The following FAAH2 variants were observed in gnomAD, a reference collection of about 807,000 sequenced individuals.
FAAH2 encodes fatty-acid amide hydrolase 2.
In FAAH2, 60 loss-of-function variants were observed where a neutral mutation model predicts 36.9. That is an observed-to-expected ratio of 1.63 (90% CI 1.32 to 2.02). FAAH2 has a LOEUF of 2.02. Among genes scored for constraint, FAAH2 ranks in the 30% most tolerant of loss-of-function variants. The probability of loss-of-function intolerance (pLI) is 0.00; values close to 1 mark genes in which losing one functional copy is unlikely to be tolerated. For missense variants in FAAH2, 689 were observed against 397.5 expected (o/e 1.73, Z -6.23); for synonymous variants, 214 against 143.8 (o/e 1.49, Z -3.49).
Position 57,404,503 on chromosome X carries a change from A to T in FAAH2, c.996+23474A>T, listed in dbSNP as rs774651102. On this transcript the variant is annotated intron_variant, in intron 7 of 10. Transcript: ENST00000374900. Reference sequence around the variant, plus strand: ...TTAAAGTACTGGGTTATCATTTCTAAGGCCCTGACAAGGGTGGTAGGGAAT... The same window carrying T: ...TTAAAGTACTGGGTTATCATTTCTATGGCCCTGACAAGGGTGGTAGGGAAT... 4.5e-5 allele frequency among the ~76,000 whole-genome samples: 5 copies of T among 111,706 alleles called. No individual in the cohort carries two copies. In the East Asian group the frequency reaches 1.4e-3, roughly 32 times the overall value.
intron 1 of FAAH2, among the ~76,000 whole-genome samples, chrX:57,289,844 G>A (rs2499554): frequency 0.071 from 7,761 of 110,064 alleles, 691 homozygotes; most frequent in African/African-American, 0.25. Context: ...AGAGAGGGGA[G>A]AAGGGAATAA....
At chrX:57,196,451 G>A in the FAAH2 span, among the ~76,000 whole-genome samples, 4 of 111,314 alleles carry the variant, frequency 3.6e-5, no homozygotes, top group African/African-American at 1.3e-4. Context: ...TCAGTTTTAG[G>A]ATCTTTCTGG....
At chrX:57,360,426 AATT>A (rs924456643) in intron 5 of FAAH2, among the ~76,000 whole-genome samples, 1 of 109,149 alleles carries the variant, frequency 9.2e-6, no homozygotes, top group African/African-American at 3.3e-5. Context: ...AAGGTTTGCT[AATT>A]ATTTGTTCTG....
At chrX:57,296,190 G>A (rs1384088264) in intron 2 of FAAH2, among the ~76,000 whole-genome samples, 2 of 111,952 alleles carry the variant, frequency 1.8e-5, no homozygotes, top group Non-Finnish European at 3.8e-5. Context: ...ACCCTAACTG[G>A]GAGGCACCCC....
At chrX:57,352,053 T>C (rs1168147289) in intron 5 of FAAH2, among the ~76,000 whole-genome samples, 469 of 43,097 alleles carry the variant, frequency 0.011, 59 homozygotes, top group South Asian at 0.019. Context: ...TATATGTGTA[T>C]ATATATATAT....
intron 3 of FAAH2, among the ~76,000 whole-genome samples, chrX:57,320,676 C>T (rs1413807354): frequency 4.4e-5 from 5 of 112,428 alleles, no homozygotes; most frequent in African/African-American, 1.6e-4. Context: ...TGGGTATACA[C>T]CCAAAAGATT....
rs550312820 is a variant in FAAH2 at position 57,392,786 on chromosome X, G to A, written c.996+11757G>A. The A allele has an allele frequency of 1.7e-4, 108 of 624,656 alleles. No individual in the cohort carries two copies. The Admixed American group carries it at 2.3e-3, about 14-fold the overall frequency. The allele number at this position is 624,656 out of a possible 1,213,427, so 51.5% of individuals were successfully genotyped here. On this transcript the variant is annotated intron_variant, in intron 7 of 10. Coordinates refer to ENST00000374900, the MANE Select transcript of FAAH2 (RefSeq NM_174912.4). ...CGATGCTGGCATGGATGTTGCGAATGGGCAGAATGAATCCTGTAGGGACAC... is the reference window on the plus strand; with the variant it reads ...CGATGCTGGCATGGATGTTGCGAATAGGCAGAATGAATCCTGTAGGGACAC...
intron 7 of FAAH2, among the ~76,000 whole-genome samples, chrX:57,401,255 C>G (rs1413663561): frequency 8.9e-6 from 1 of 112,039 alleles, no homozygotes; most frequent in African/African-American, 3.2e-5. Flanking sequence ...AGAACTGGCT[C>G]AAATCTTGGG....
At chrX:57,161,031 A>C in the FAAH2 span, among the ~76,000 whole-genome samples, 1 of 111,724 alleles carries the variant, frequency 9.0e-6, no homozygotes, top group Non-Finnish European at 1.9e-5. Flanking sequence ...ACTGCTTTGA[A>C]TGTGTCCCAG....
chrX:57,427,679 G>GA (rs1197945663), intron 7 of FAAH2, among the ~76,000 whole-genome samples: 1 of 111,227 alleles, frequency 9.0e-6, no homozygotes, highest in Non-Finnish European at 1.9e-5. Flanking sequence ...CATAGATGCA[G>GA]AAAAAAATTA....
intron 7 of FAAH2, among the ~76,000 whole-genome samples, chrX:57,417,179 T>G (rs1478905985): frequency 1.8e-5 from 2 of 111,735 alleles, no homozygotes; most frequent in Non-Finnish European, 3.8e-5. Context: ...ACATGCTCCT[T>G]TAGTTTGGAG....
At chrX:57,134,378 G>A in the FAAH2 span, among the ~76,000 whole-genome samples, 3 of 111,608 alleles carry the variant, frequency 2.7e-5, no homozygotes, top group Non-Finnish European at 5.6e-5. Flanking sequence ...GTGCCTGTGA[G>A]GGGTCTGCAG....
At chrX:57,422,774 G>A (rs886799528) in intron 7 of FAAH2, among the ~76,000 whole-genome samples, 1 of 111,952 alleles carries the variant, frequency 8.9e-6, no homozygotes, top group Non-Finnish European at 1.9e-5. Context: ...GGCTGGAAAT[G>A]ATTATGGATT....
At chrX:57,150,832 G>C in the FAAH2 span, among the ~76,000 whole-genome samples, 23 of 111,957 alleles carry the variant, frequency 2.1e-4, no homozygotes, top group Non-Finnish European at 9.4e-5. Context: ...TTGCTCGTTA[G>C]TTGATGCAGT....
chrX:57,311,885 G>A (rs544695053), intron 3 of FAAH2, among the ~76,000 whole-genome samples: 78 of 112,149 alleles, frequency 7.0e-4, no homozygotes, highest in African/African-American at 1.6e-3. Context: ...GGGCTACAGC[G>A]TGCTACTTGA....
At chrX:57,351,094 G>C (rs890232935) in intron 5 of FAAH2, among the ~76,000 whole-genome samples, 6 of 111,166 alleles carry the variant, frequency 5.4e-5, no homozygotes, top group African/African-American at 1.9e-4. Flanking sequence ...TAGGCCACAA[G>C]AAAAAGCTTC....
chrX:57,401,784 C>T (rs1424252354), intron 7 of FAAH2, among the ~76,000 whole-genome samples: 4 of 111,329 alleles, frequency 3.6e-5, no homozygotes, highest in African/African-American at 9.8e-5. Context: ...AGGATTAATT[C>T]CTTCCTCAAG....
At chrX:57,229,916 A>T in the FAAH2 span, among the ~76,000 whole-genome samples, 33 of 111,766 alleles carry the variant, frequency 3.0e-4, no homozygotes, top group African/African-American at 1.1e-3. Flanking sequence ...TGTAGATAAG[A>T]TTTCATATAA....
At chrX:57,416,156 C>T (rs1402466561) in intron 7 of FAAH2, among the ~76,000 whole-genome samples, 2 of 111,214 alleles carry the variant, frequency 1.8e-5, no homozygotes, top group African/African-American at 6.5e-5. Context: ...ATACAGCACA[C>T]TGATGGCTGT....
Sources: allele counts gnomAD v4.1 joint callset (sites outside exome capture counted in the v4.1 genomes callset), GRCh38; gene constraint gnomAD v4.1.1; transcripts MANE v1.5; gene names NCBI Gene and HGNC (gene_info 2026-07-23, HGNC 2026-07-21).